DYNC2I1: variants seen among roughly 807,000 people sequenced by gnomAD.
The protein encoded by DYNC2I1 is cytoplasmic dynein 2 intermediate chain 1.
In DYNC2I1, 89 loss-of-function variants were observed where a neutral mutation model predicts 133.4. The observed-to-expected ratio is 0.67, with a 90% CI of 0.56 to 0.80. The LOEUF is 0.80. Ranked by LOEUF, DYNC2I1 falls within the 30% of genes least tolerant of loss-of-function variation. The pLI is 0.00. For synonymous variants in DYNC2I1, 504 were observed against 484.3 expected (o/e 1.04, Z -0.54); for missense variants, 1,291 against 1,314.5 (o/e 0.98, Z 0.28).
chr7:158,916,105 C>T (rs763578230), intron 14 of DYNC2I1, among the ~76,000 whole-genome samples: 3 of 78,818 alleles, frequency 3.8e-5, no homozygotes, highest in South Asian at 7.5e-4. Context: ...AACGTCGACA[C>T]GCTGGTTGAC....
chr7:158,953,379 T>C (rs187621994), intron 4 of DYNC2I1, among the ~76,000 whole-genome samples: 27 of 152,396 alleles, frequency 1.8e-4, no homozygotes, highest in African/African-American at 5.8e-4. Flanking sequence ...ATTTTACTTA[T>C]GCAGGTTAGA....
chr7:158,913,989 C>T (rs57931052), intron 13 of DYNC2I1, among the ~76,000 whole-genome samples: 10,157 of 152,224 alleles, frequency 0.067, 418 homozygotes, highest in African/African-American at 0.11. Context: ...GGATTACAGG[C>T]GTGAGCCACC....
intron 8 of DYNC2I1, among the ~76,000 whole-genome samples, chr7:158,898,698 T>G (rs1363182651): frequency 6.6e-6 from 1 of 152,206 alleles, no homozygotes; most frequent in Non-Finnish European, 1.5e-5. Flanking sequence ...ATGTTCAAAG[T>G]AATTATTGAT....
downstream of DYNC2I1, among the ~76,000 whole-genome samples, chr7:158,946,372 T>C (rs992812509): frequency 1.3e-5 from 2 of 152,266 alleles, no homozygotes; most frequent in Admixed American, 6.5e-5. Context: ...CTAGGAATCA[T>C]GCTGCTGTTA....
intron 7 of DYNC2I1, among the ~76,000 whole-genome samples, chr7:158,891,013 G>A (rs1389875217): frequency 6.6e-6 from 1 of 152,226 alleles, no homozygotes; most frequent in Admixed American, 6.5e-5. Flanking sequence ...CTACTGTGAA[G>A]CAGATGCCAT....
intron 1 of DYNC2I1, among the ~76,000 whole-genome samples, chr7:158,860,085 C>T (rs1841738935): frequency 6.7e-6 from 1 of 148,750 alleles, no homozygotes; most frequent in African/African-American, 2.5e-5. Context: ...GACGAAGTCT[C>T]ACTCTTGTCC....
the DYNC2I1 span, among the ~76,000 whole-genome samples, chr7:158,850,951 G>A: frequency 6.6e-6 from 1 of 151,614 alleles, no homozygotes; most frequent in African/African-American, 2.4e-5. Context: ...CTCATCTAAC[G>A]AGCTGCTTGG....
intron 3 of DYNC2I1, among the ~76,000 whole-genome samples, chr7:158,872,844 G>A (rs796704088): frequency 8.7e-4 from 132 of 151,988 alleles, no homozygotes; most frequent in African/African-American, 3.1e-3. Context: ...TGAAAAAAAA[G>A]AAAAGCAAAA....
intron 8 of DYNC2I1, among the ~76,000 whole-genome samples, chr7:158,894,463 T>C (rs561402658): frequency 6.6e-5 from 10 of 152,392 alleles, no homozygotes; most frequent in African/African-American, 2.2e-4. Flanking sequence ...CTTTTCCAGA[T>C]TGGCTTCTTT....
intron 4 of DYNC2I1, among the ~76,000 whole-genome samples, chr7:158,954,142 T>G (rs755407081): frequency 2.6e-5 from 4 of 152,198 alleles, no homozygotes; most frequent in Non-Finnish European, 5.9e-5. Context: ...GTCTGCACCT[T>G]GGAAGACGTG....
downstream of DYNC2I1, among the ~76,000 whole-genome samples, chr7:158,949,774 C>CT (rs10573905): frequency 2.0e-3 from 296 of 146,916 alleles, 1 homozygote; most frequent in East Asian, 3.0e-3. Context: ...TTCATTTTTC[C>CT]TTTTTTTTTT....
Position 158,914,297 on chromosome 7 carries a change from T to C in DYNC2I1, c.1767T>C (p.Cys589=), listed in dbSNP as rs1182009492. The C allele has an allele frequency of 7.4e-6, 12 of 1,612,382 alleles. No homozygotes were observed. The highest frequency in any genetic ancestry group is 1.0e-5 in the Non-Finnish European group (12 of 1,179,208). Residue 589 remains cysteine (C), a synonymous_variant, in exon 14 of 25, where the codon TGT becomes TGC. Coordinates refer to ENST00000407559, the MANE Select transcript of DYNC2I1 (RefSeq NM_018051.5). ...VMPKIDTPRL[C]SFLRAACQVM... ...CAAAGATTGATACTCCAAGGTTATG[T>C]AGCTTTCTGCGGGCTGCTTGTCAGG...
intron 1 of DYNC2I1, among the ~76,000 whole-genome samples, chr7:158,862,146 C>T (rs1213400552): frequency 1.3e-5 from 2 of 152,102 alleles, no homozygotes; most frequent in African/African-American, 4.8e-5. Context: ...GCTCATTCCA[C>T]TCTGTAATTC....
chr7:158,911,616 TCTAC>T lies in DYNC2I1; in HGVS notation c.1529_1532del (p.Leu510HisfsTer3). The T allele has an allele frequency of 6.2e-7, 1 of 1,613,676 alleles. No individual in the cohort carries two copies. Among genetic ancestry groups the T allele is most frequent in the Non-Finnish European group, 8.5e-7 (1 of 1,179,746 alleles). On this transcript the variant is annotated frameshift_variant, in exon 12 of 25. Transcript: ENST00000407559. LOFTEE classifies it high-confidence loss of function. ...TTTCATTTACTTTCTCTCTCTTGGA[TCTAC>T]CACCAGTAAATGAATATGACATGTA...
intron 8 of DYNC2I1, among the ~76,000 whole-genome samples, chr7:158,893,889 G>A (rs1386178075): frequency 6.6e-6 from 1 of 150,708 alleles, no homozygotes; most frequent in African/African-American, 2.4e-5. Context: ...CGTAACACAT[G>A]TCACACTACA....
the DYNC2I1 span, among the ~76,000 whole-genome samples, chr7:158,848,586 A>G: frequency 6.6e-6 from 1 of 152,240 alleles, no homozygotes; most frequent in Non-Finnish European, 1.5e-5. Flanking sequence ...AAATAAAATG[A>G]AAACTGATGG....
intron 8 of DYNC2I1, among the ~76,000 whole-genome samples, chr7:158,893,586 G>A (rs1845445627): frequency 6.6e-6 from 1 of 152,168 alleles, no homozygotes; most frequent in Admixed American, 6.5e-5. Flanking sequence ...TGGTCACGTG[G>A]CTGCCTGGGA....
At chr7:158,951,237 A>G in intron 4 of DYNC2I1, among the ~76,000 whole-genome samples, 1 of 152,232 alleles carries the variant, frequency 6.6e-6, no homozygotes, top group Non-Finnish European at 1.5e-5. Context: ...TTTTATGGAC[A>G]GTAGAGAGGG....
rs763613395 is a variant in DYNC2I1, at chr7:158,871,367, C to T, written c.295C>T (p.Arg99Trp). Residue 99 changes from arginine to tryptophan, a missense_variant, in exon 3 of 25, where the codon CGG becomes TGG. Physicochemically the swap from Arg to Trp is moderately radical, Grantham distance 101. Coordinates refer to ENST00000407559, the MANE Select transcript of DYNC2I1 (RefSeq NM_018051.5). Reference protein sequence around the residue: ...QRERRRDAKDREKEKLKEKHR... With the variant: ...QRERRRDAKDWEKEKLKEKHR... ...GGAGAGGAGAAGAGACGCAAAAGACCGGGAGAAAGAAAAGCTGAAGGAGAA... is the reference window on the plus strand; with the variant it reads ...GGAGAGGAGAAGAGACGCAAAAGACTGGGAGAAAGAAAAGCTGAAGGAGAA... 24 of 1,549,578 alleles carry T rather than the reference C, an allele frequency of 1.5e-5. No homozygotes were observed. Among genetic ancestry groups the T allele is most frequent in the South Asian group, 8.3e-5 (7 of 83,968 alleles).
Sources: allele counts gnomAD v4.1 joint callset (sites outside exome capture counted in the v4.1 genomes callset), GRCh38; gene constraint gnomAD v4.1.1; transcripts MANE v1.5; gene names NCBI Gene and HGNC (gene_info 2026-07-23, HGNC 2026-07-21).